ZNF208: variants seen among roughly 807,000 people sequenced by gnomAD.
ZNF208 encodes zinc finger protein 95.
A neutral mutation model predicts 12.1 loss-of-function variants in ZNF208; 10 were observed. That is an observed-to-expected ratio of 0.83 (90% CI 0.51 to 1.40). ZNF208 has a LOEUF of 1.40. Among genes scored for constraint, ZNF208 ranks in the 40% most tolerant of loss-of-function variants. ZNF208 has a pLI of 0.00. For missense variants in ZNF208, 1,652 were observed against 1,485.0 expected, an observed-to-expected ratio of 1.11 and a Z score of -1.85; for synonymous variants, 497 against 488.4, an observed-to-expected ratio of 1.02 and a Z score of -0.23.
chr19:21,951,792 C>T (rs1969892594), intron 4 of ZNF208, among the ~76,000 whole-genome samples: 1 of 152,176 alleles, frequency 6.6e-6, no homozygotes, highest in African/African-American at 2.4e-5. Context: ...CTCACTGGGA[C>T]TGGATGGACA....
chr19:22,008,320 A>C (rs1971086179), intron 1 of ZNF208, among the ~76,000 whole-genome samples: 1 of 151,468 alleles, frequency 6.6e-6, no homozygotes, highest in Non-Finnish European at 1.5e-5. Context: ...AAAAAAAGAA[A>C]AAAAAAACTG....
intron 3 of ZNF208, among the ~76,000 whole-genome samples, chr19:21,983,365 G>GACA (rs1555746142): frequency 6.6e-6 from 1 of 151,482 alleles, no homozygotes; most frequent in Non-Finnish European, 1.5e-5. Context: ...ACAGATGCTG[G>GACA]AGATGTGGAG....
At chr19:21,956,009 G>A (rs1028026449) in intron 4 of ZNF208, among the ~76,000 whole-genome samples, 10 of 150,676 alleles carry the variant, frequency 6.6e-5, no homozygotes, top group Non-Finnish European at 1.3e-4. Context: ...GTACAGATGG[G>A]GTTTTGGTGT....
rs1568440309 is a variant in ZNF208 at position 21,967,217 on chromosome 19, TG to T, written c.*3973del. The T allele has an allele frequency of 6.6e-6, 1 of 152,040 alleles. No homozygotes were observed. The highest frequency in any genetic ancestry group is 1.5e-5 in the Non-Finnish European group (1 of 68,004). 9.4% of individuals were successfully genotyped at this position (152,040 alleles called of 1,614,324 possible). On this transcript the variant is annotated 3_prime_UTR_variant, in exon 4 of 4. Coordinates refer to ENST00000397126, the MANE Select transcript of ZNF208 (RefSeq NM_007153.3). ...ATCAAGTCTTTAATCTATATTGAGT[TG>T]TTTTTTTTTTATAGAAAAAGGTAGT... is the stretch of plus-strand genomic sequence containing the variant.
chr19:21,991,278 C>T (rs764304634), intron 1 of ZNF208, among the ~76,000 whole-genome samples: 4 of 151,988 alleles, frequency 2.6e-5, no homozygotes, highest in African/African-American at 7.3e-5. Context: ...GAGATGCATC[C>T]CATCAATACC....
At position 21,967,310 on chromosome 19, in the gene ZNF208, C is replaced by T. The variant is rs960677852; in HGVS notation, c.*3881G>A. 6.6e-6 allele frequency: 1 copy of T among 151,862 alleles called. No homozygotes were observed. Among genetic ancestry groups the T allele is most frequent in the African/African-American group, 2.4e-5 (1 of 41,360 alleles). 9.4% of individuals were successfully genotyped at this position (151,862 alleles called of 1,614,324 possible). A position where few individuals can be genotyped will look rare whatever the true frequency, so the allele number is the denominator to read the frequency against. On this transcript the variant is annotated 3_prime_UTR_variant, in exon 4 of 4. Transcript: ENST00000397126. ...TACTTACTAAATAGGGAGTTAATTC[C>T]CCTTTTGTTTATTTCTGTTGGCTTT...
intron 1 of ZNF208, among the ~76,000 whole-genome samples, chr19:21,989,291 T>G (rs1970685416): frequency 7.5e-6 from 1 of 133,206 alleles, no homozygotes; most frequent in Admixed American, 9.3e-5. Context: ...CCGGTGTCCA[T>G]GTGTTCTCAT....
intron 1 of ZNF208, among the ~76,000 whole-genome samples, chr19:21,995,246 C>T (rs1970813410): frequency 1.3e-5 from 2 of 152,070 alleles, no homozygotes; most frequent in South Asian, 2.1e-4. Context: ...GACATTGCAC[C>T]CAGCCTGTTT....
At chr19:21,985,937 C>A (rs1016969509) in intron 3 of ZNF208, among the ~76,000 whole-genome samples, 1 of 152,154 alleles carries the variant, frequency 6.6e-6, no homozygotes, top group Non-Finnish European at 1.5e-5. Flanking sequence ...TGAGCAAAGT[C>A]CTGAGGGATA....
rs1970182705 is a variant in ZNF208, at chr19:21,966,973, C to T, written c.*4218G>A. The T allele has an allele frequency of 6.6e-6, 1 of 152,072 alleles. No individual in the cohort carries two copies. The highest frequency in any genetic ancestry group is 1.5e-5 in the Non-Finnish European group (1 of 67,992). The allele number at this position is 152,072 out of a possible 1,614,324, so 9.4% of individuals were successfully genotyped here. ...GTATTATAGATTCTGTACATTAATC[C>T]TTCATTGTCTGCAGTTTGCAAATAT... On this transcript the variant is annotated 3_prime_UTR_variant, in exon 4 of 4. Coordinates refer to ENST00000397126, the MANE Select transcript of ZNF208 (RefSeq NM_007153.3).
intron 4 of ZNF208, among the ~76,000 whole-genome samples, chr19:21,960,164 A>C (rs569343922): frequency 6.6e-6 from 1 of 152,236 alleles, no homozygotes; most frequent in South Asian, 2.1e-4. Context: ...AATGATTACC[A>C]GGGGCTAGAA....
chr19:21,956,946 C>T (rs1969987516), intron 4 of ZNF208, among the ~76,000 whole-genome samples: 1 of 152,210 alleles, frequency 6.6e-6, no homozygotes, highest in Non-Finnish European at 1.5e-5. Flanking sequence ...GGAGCTGTCC[C>T]TATTCAGACA....
rs1175928812 is a variant in ZNF208, at chr19:21,972,530, C to G, written c.2504G>C (p.Cys835Ser). The change falls in exon 4 of 4, where the codon TGT becomes TCT. Residue 835 changes from cysteine (C) to serine (S), a missense_variant. Physicochemically the swap from Cys to Ser is moderately radical, Grantham distance 112. Around this residue, in one of 3 missense-constraint regions of ZNF208, gnomAD observed 1,239 missense variants for 1,086.2 expected, o/e 1.14. Transcript: ENST00000397126. ...ACTAAAGGCTTTGCCACATTCTTTA[C>G]ATTTGTAGGGCTTTTCTCCAGCATG... is the stretch of plus-strand genomic sequence containing the variant. ...AIHAGEKPYK[C>S]KECGKAFSKF... The G allele has an allele frequency of 6.2e-7, 1 of 1,612,898 alleles. No individual in the cohort carries two copies. Among genetic ancestry groups the G allele is most frequent in the South Asian group, 1.1e-5 (1 of 91,010 alleles).
rs765222161 is a variant in ZNF208 at position 21,973,755 on chromosome 19, A to G, written c.1279T>C (p.Cys427Arg). ...VIHTGEKPYK[C>R]EECGKAFNWS... is the part of the protein sequence containing the mutation. ...TTGAAAGCTTTGCCACATTCTTCAC[A>G]TTTGTAGGGTTTCTCTCCAGTATGA... Residue 427 changes from cysteine (C) to arginine (R), a missense_variant, in exon 4 of 4, where the codon TGT becomes CGT. Cys to Arg is a radical substitution (Grantham distance 180, BLOSUM62 -3). Around this residue, in one of 3 missense-constraint regions of ZNF208, gnomAD observed 1,239 missense variants for 1,086.2 expected, o/e 1.14. Transcript: ENST00000397126. The G allele has an allele frequency of 5.6e-6, 9 of 1,606,038 alleles. No individual in the cohort carries two copies. The highest frequency in any genetic ancestry group is 7.7e-6 in the Non-Finnish European group (9 of 1,173,732).
chr19:21,991,740 CAAA>C (rs555662605), intron 1 of ZNF208: 8 of 73,780 alleles, frequency 1.1e-4, no homozygotes, highest in Non-Finnish European at 1.2e-4. Flanking sequence ...AACTCCATCT[CAAA>C]AAAAAAAAAA....
Position 21,958,222 on chromosome 19 carries a change from C to T in ZNF208, c.305+16507G>A, listed in dbSNP as rs148256085. Among the ~76,000 whole-genome samples the T allele has an allele frequency of 4.2e-3, 641 of 151,920 alleles. 5 individuals are homozygous for T. The highest frequency in any genetic ancestry group is 0.01 in the Middle Eastern group (3 of 292). ...AGTAATTGTTTCAAAACTTGTCATA[C>T]ATTTCTCATGAACTTCTAGTCTCAT... On this transcript the variant is annotated intron_variant, in intron 4 of 4. Coordinates refer to the ZNF208 transcript ENST00000599916.
chr19:21,985,073 A>T (rs757338910), intron 3 of ZNF208, among the ~76,000 whole-genome samples: 210 of 152,320 alleles, frequency 1.4e-3, no homozygotes, highest in Non-Finnish European at 1.9e-3. Flanking sequence ...ACTCAGTTTT[A>T]AAAAAGCAGA....
intron 1 of ZNF208, among the ~76,000 whole-genome samples, chr19:22,010,168 G>A (rs1013776067): frequency 1.3e-5 from 2 of 152,174 alleles, no homozygotes; most frequent in Non-Finnish European, 2.9e-5. Flanking sequence ...CTGGGCGACA[G>A]AGGGAAGACT....
intron 4 of ZNF208, among the ~76,000 whole-genome samples, chr19:21,950,432 CTCTT>C (rs1482855257): frequency 6.6e-6 from 1 of 151,522 alleles, no homozygotes; most frequent in Non-Finnish European, 1.5e-5. Context: ...CCAAATCTGT[CTCTT>C]TCTTCTAGCT....
Sources: allele counts gnomAD v4.1 joint callset (sites outside exome capture counted in the v4.1 genomes callset), GRCh38; gene constraint gnomAD v4.1.1; regional missense constraint gnomAD v4.1.1; transcripts MANE v1.5; gene names NCBI Gene and HGNC (gene_info 2026-07-23, HGNC 2026-07-21).